Variants in ITPR1 observed in about 807,000 individuals in gnomAD.
The protein encoded by ITPR1 is inositol 1,4,5-trisphosphate-gated calcium channel ITPR1.
ITPR1 carries 96 observed loss-of-function variants against 318.4 expected under a neutral mutation model. The observed-to-expected ratio is 0.30, with a 90% CI of 0.26 to 0.36. The LOEUF (loss-of-function observed/expected upper bound fraction) is 0.36. ITPR1 is among the 10% of genes least tolerant of loss of function. ITPR1 has a pLI of 1.00. For synonymous variants in ITPR1, 1,312 were observed against 1,289.9 expected (o/e 1.02, Z -0.37); for missense variants, 2,440 against 3,460.2 (o/e 0.71, Z 7.40).
chr3:4,775,520 CACGAA>C (rs2046429524), intron 47 of ITPR1, 78 bp downstream of exon 47: 2 of 1,132,226 alleles, frequency 1.8e-6, no homozygotes, highest in East Asian at 4.7e-5. Context: ...GTTCAGAAAT[CACGAA>C]GCCTGTGCCT....
intron 22 of ITPR1, among the ~76,000 whole-genome samples, chr3:4,674,620 A>C (rs551987730): frequency 6.6e-6 from 1 of 152,348 alleles, no homozygotes; most frequent in East Asian, 1.9e-4. Context: ...GACAAGAGAG[A>C]AACACTGTGC....
At position 4,514,542 on chromosome 3, in the gene ITPR1, G is replaced by A. The variant is rs2082053151; in HGVS notation, c.-16-1934G>A. On this transcript the variant is annotated intron_variant, in intron 2 of 61. Transcript: ENST00000649015. ...AAAACAGCAGGCATTTTCTGGCCTA[G>A]TCTCCACTAGGGCTGAATGCTTATC... is the stretch of plus-strand genomic sequence containing the variant. Among the ~76,000 whole-genome samples the A allele has an allele frequency of 2.0e-5, 3 of 152,310 alleles. No individual in the cohort carries two copies. The South Asian group carries it at 6.2e-4, about 32-fold the overall frequency.
At chr3:4,561,856 G>A (rs535102182) in intron 4 of ITPR1, among the ~76,000 whole-genome samples, 2 of 152,238 alleles carry the variant, frequency 1.3e-5, no homozygotes, top group Admixed American at 1.3e-4. Context: ...TCACATTGAG[G>A]ATTCAGAGCT....
intron 4 of ITPR1, among the ~76,000 whole-genome samples, chr3:4,554,505 AG>A (rs1246193141): frequency 2.6e-5 from 4 of 152,284 alleles, no homozygotes; most frequent in African/African-American, 9.6e-5. Context: ...GCACTGGTGT[AG>A]GTGCTGGGGA....
At chr3:4,700,754 A>C (rs1310104435) in intron 35 of ITPR1, among the ~76,000 whole-genome samples, 2 of 152,272 alleles carry the variant, frequency 1.3e-5, no homozygotes, top group Admixed American at 1.3e-4. Flanking sequence ...CATACCCGAT[A>C]CTGGGCAATT....
rs553838798 is a variant in ITPR1 at position 4,680,563 on chromosome 3, A to G, written c.2978A>G (p.Asn993Ser). ...CACTTGAATCTTTAGTTTATTTTGA[A>G]TGTGAGGTTGGATTATAGGATCTCC... is the stretch of plus-strand genomic sequence containing the variant. ...KIIEILQFIL[N>S]VRLDYRISCL... Residue 993 changes from asparagine to serine, a missense_variant, in exon 25 of 62, where the codon AAT becomes AGT. Physicochemically the swap from Asn to Ser is conservative, Grantham distance 46 (BLOSUM62 1). Around this residue, in one of 23 missense-constraint regions of ITPR1, gnomAD observed 478 missense variants for 696.3 expected, o/e 0.69. Coordinates refer to ENST00000649015, the MANE Select transcript of ITPR1 (RefSeq NM_001378452.1). 1 of 1,613,244 alleles carries G rather than the reference A, an allele frequency of 6.2e-7. No individual in the cohort carries two copies. The highest frequency in any genetic ancestry group is 1.3e-5 in the African/African-American group (1 of 75,016).
At chr3:4,742,797 G>A (rs2043803936) in intron 44 of ITPR1, among the ~76,000 whole-genome samples, 1 of 152,132 alleles carries the variant, frequency 6.6e-6, no homozygotes, top group Non-Finnish European at 1.5e-5. Context: ...AATACATGCT[G>A]TATTTTGTGA....
Position 4,635,427 on chromosome 3 carries a change from A to G in ITPR1, c.280-3957A>G, listed in dbSNP as rs1019227327. 9.2e-5 allele frequency among the ~76,000 whole-genome samples: 14 copies of G among 151,652 alleles called. 1 individual carries two copies. The highest frequency in any genetic ancestry group is 2.0e-4 in the East Asian group (1 of 5,128). ...ACGATCTCGGCTCACTGCAAGCTCCACCTCCCGGGTCCACCCCTTTCTCCT... is the reference window on the plus strand; with the variant it reads ...ACGATCTCGGCTCACTGCAAGCTCCGCCTCCCGGGTCCACCCCTTTCTCCT... On this transcript the variant is annotated intron_variant, in intron 5 of 61. Coordinates refer to ENST00000649015, the MANE Select transcript of ITPR1 (RefSeq NM_001378452.1).
At chr3:4,722,310 T>C (rs1010870496) in intron 40 of ITPR1, among the ~76,000 whole-genome samples, 1 of 152,182 alleles carries the variant, frequency 6.6e-6, no homozygotes, top group Admixed American at 6.5e-5. Flanking sequence ...ATGAATCGCC[T>C]GCTGATGTGT....
intron 60 of ITPR1, among the ~76,000 whole-genome samples, chr3:4,828,941 T>C (rs548466891): frequency 2.6e-5 from 4 of 152,180 alleles, no homozygotes; most frequent in Non-Finnish European, 5.9e-5. Context: ...CCTAAAATTT[T>C]TATCCCAAAG....
intron 44 of ITPR1, chr3:4,749,933 T>G (rs2044377354): frequency 6.5e-6 from 1 of 152,736 alleles, no homozygotes; most frequent in South Asian, 2.1e-4. Flanking sequence ...TGATTTGTGT[T>G]TCCCTGTGCA....
intron 60 of ITPR1, among the ~76,000 whole-genome samples, chr3:4,819,681 G>A (rs1453889333): frequency 1.3e-5 from 2 of 152,206 alleles, no homozygotes; most frequent in Non-Finnish European, 2.9e-5. Context: ...ACGCTCCATG[G>A]GGAACCCGGA....
intron 4 of ITPR1, among the ~76,000 whole-genome samples, chr3:4,521,320 T>C (rs1056873912): frequency 2.0e-5 from 3 of 152,212 alleles, no homozygotes; most frequent in African/African-American, 7.2e-5. Context: ...CTATTGAATA[T>C]GTGTTGACAA....
chr3:4,636,157 T>A (rs1337578864), intron 5 of ITPR1, among the ~76,000 whole-genome samples: 1 of 152,114 alleles, frequency 6.6e-6, no homozygotes, highest in Non-Finnish European at 1.5e-5. Context: ...CAGACTTGGT[T>A]TTGTGAGGGG....
chr3:4,535,773 G>A (rs2083820583), intron 4 of ITPR1, among the ~76,000 whole-genome samples: 1 of 151,868 alleles, frequency 6.6e-6, no homozygotes, highest in Admixed American at 6.6e-5. Context: ...CCAAAATCTG[G>A]GCATTTTAAA....
chr3:4,709,078 A>C lies in ITPR1; in HGVS notation c.4843-1247A>C, dbSNP rs1412557929. Among the ~76,000 whole-genome samples the C allele has an allele frequency of 3.9e-5, 6 of 152,262 alleles. No individual in the cohort carries two copies. The South Asian group carries it at 8.3e-4, about 21-fold the overall frequency. On this transcript the variant is annotated intron_variant, in intron 37 of 61. Coordinates refer to ENST00000649015, the MANE Select transcript of ITPR1 (RefSeq NM_001378452.1). ...AATCCTGTGTAAATACCGTAGACAA[A>C]GATTTGCCAGAGTCAGGATCAATAA...
At chr3:4,768,368 G>T (rs1378955716) in intron 45 of ITPR1, 143 bp from the exon 46 acceptor site, 2 of 945,936 alleles carry the variant, frequency 2.1e-6, no homozygotes, top group Non-Finnish European at 1.5e-6. Context: ...ACTGAGAGCA[G>T]ATTGTGACTT....
intron 4 of ITPR1, among the ~76,000 whole-genome samples, chr3:4,522,510 A>T (rs1300548277): frequency 6.6e-6 from 1 of 152,214 alleles, no homozygotes; most frequent in East Asian, 1.9e-4. Flanking sequence ...TTTTCACCTG[A>T]GGATGGGTGG....
intron 13 of ITPR1, 54 bp from the exon 14 acceptor site, chr3:4,660,934 A>G: frequency 4.5e-6 from 4 of 881,004 alleles, no homozygotes; most frequent in South Asian, 1.8e-5. Flanking sequence ...ACTAGGGGCT[A>G]TAGAGTAAAC....
Sources: gnomAD v4.1 joint callset for allele counts (sites outside exome capture counted in the v4.1 genomes callset) on GRCh38, gnomAD v4.1.1 for gene constraint, gnomAD v4.1.1 regional missense constraint, MANE v1.5 for transcripts, NCBI Gene and HGNC (gene_info 2026-07-23, HGNC 2026-07-21) for gene names.